The following FOCAD variants were observed in gnomAD, a reference collection of about 807,000 sequenced individuals.
FOCAD encodes the protein focadhesin, also known as KIAA1797.
A neutral mutation model predicts 225.6 loss-of-function variants in FOCAD; 198 were observed. The observed-to-expected ratio is 0.88, with a 90% confidence interval of 0.78 to 0.99. The LOEUF (loss-of-function observed/expected upper bound fraction) is 0.99, where lower values mean the gene tolerates loss of function less well. FOCAD is among the 50% of genes least tolerant of loss of function. The pLI is 0.00. For synonymous variants in FOCAD, 897 were observed against 755.0 expected, an observed-to-expected ratio of 1.19 and a Z score of -3.08; for missense variants, 2,713 against 2,123.6, an observed-to-expected ratio of 1.28 and a Z score of -5.46.
At position 20,971,572 on chromosome 9, in the gene FOCAD, G is replaced by A. The variant is rs940091598; in HGVS notation, c.4133-4848G>A. On this transcript the variant is annotated intron_variant, in intron 35 of 43. Transcript: ENST00000338382. ...CTCCTGCCCCAGCCTCCTGAGTAACGGAGATTACAGGCATGCACCACCATG... is the reference window on the plus strand; with the variant it reads ...CTCCTGCCCCAGCCTCCTGAGTAACAGAGATTACAGGCATGCACCACCATG... 9.9e-5 allele frequency among the ~76,000 whole-genome samples: 15 copies of A among 151,848 alleles called. 1 individual carries two copies. Among genetic ancestry groups the A allele is most frequent in the Non-Finnish European group, 2.1e-4 (14 of 67,892 alleles).
In FOCAD at chr9:20,885,205, A is replaced by C. The variant is rs117863779; in HGVS notation, c.2600A>C (p.Gln867Pro). 4 of 1,534,014 alleles carry C rather than the reference A, an allele frequency of 2.6e-6. No individual in the cohort carries two copies. The highest frequency in any genetic ancestry group is 8.8e-7 in the Non-Finnish European group (1 of 1,137,940). Residue 867 changes from glutamine to proline, a missense_variant, in exon 21 of 44, where the codon CAG (glutamine) becomes CCG (proline). By Grantham distance (76) the Gln-to-Pro change is moderately conservative (BLOSUM62 -1). Coordinates refer to ENST00000338382, the MANE Select transcript of FOCAD (RefSeq NM_001375567.1). Reference sequence around the variant, plus strand: ...GCCAGCAGAGGGCGAAGTTTCAAGCAGACTTCACTTGCTCTTGTACATGAG... The same window carrying C: ...GCCAGCAGAGGGCGAAGTTTCAAGCCGACTTCACTTGCTCTTGTACATGAG... Reference protein sequence around the residue: ...LMASRGRSFKQTSLALVHEVH... With the variant: ...LMASRGRSFKPTSLALVHEVH...
Position 20,949,588 on chromosome 9 carries a change from C to T in FOCAD, c.3877-16C>T. 1 of 1,611,260 alleles carries T rather than the reference C, an allele frequency of 6.2e-7. No individual in the cohort carries two copies. Among genetic ancestry groups the T allele is most frequent in the South Asian group, 1.1e-5 (1 of 90,972 alleles). Reference sequence around the variant, plus strand: ...ATGGGGGTGGGTGGGATGGGTATTTCTTCTTATTCTTTCAGCTGAAATCAG... The same window carrying T: ...ATGGGGGTGGGTGGGATGGGTATTTTTTCTTATTCTTTCAGCTGAAATCAG... On this transcript the variant is annotated splice_polypyrimidine_tract_variant and intron_variant, in intron 32 of 43. Coordinates refer to ENST00000338382, the MANE Select transcript of FOCAD (RefSeq NM_001375567.1).
chr9:20,990,403 G>A, intron 42 of FOCAD, 29 bp downstream of exon 42: 1 of 1,608,898 alleles, frequency 6.2e-7, no homozygotes. Flanking sequence ...TGCTTAGCAG[G>A]GCAGGCAGCC....
rs533011164 is a variant in FOCAD at position 20,845,590 on chromosome 9, A to G, written c.1921-16988A>G. On this transcript the variant is annotated intron_variant, in intron 15 of 43. Transcript: ENST00000338382. ...CTACAGTGCTACAGTGATCAGCTTT[A>G]GAGCTAAACTGTAGCACATATCTCT... Among the ~76,000 whole-genome samples, 11 of 151,880 alleles carry G rather than the reference A, an allele frequency of 7.2e-5. No individual in the cohort carries two copies. In the South Asian group the frequency reaches 2.3e-3, roughly 32 times the overall value.
rs1328446727 is a variant in FOCAD at position 20,993,322 on chromosome 9, T to C, written c.5326T>C (p.Leu1776=). 9 of 1,612,866 alleles carry C rather than the reference T, an allele frequency of 5.6e-6. No homozygotes were observed. The highest frequency in any genetic ancestry group is 7.6e-6 in the Non-Finnish European group (9 of 1,178,968). The change falls in exon 43 of 44, where the codon TTG becomes CTG. Residue 1776 remains leucine (L), a synonymous_variant. Coordinates refer to ENST00000338382, the MANE Select transcript of FOCAD (RefSeq NM_001375567.1). The part of the protein sequence containing the change: ...EALSAQSRDL[L]KATLLSLRVL... ...CCTCTCAGCACAGTCCAGGGATCTT[T>C]TGAAAGGTATTACTTCCATGTTTTA...
At chr9:20,948,219 CTG>C (rs1837364270) in intron 30 of FOCAD, 50 bp from the exon 31 acceptor site, 9 of 1,509,374 alleles carry the variant, frequency 6.0e-6, no homozygotes, top group Non-Finnish European at 8.0e-6. Context: ...CATTCTAAAT[CTG>C]TGTCTTTTTT....
At chr9:20,723,087 C>T (rs1402234381) in intron 4 of FOCAD, among the ~76,000 whole-genome samples, 2 of 152,128 alleles carry the variant, frequency 1.3e-5, no homozygotes, top group African/African-American at 4.8e-5. Context: ...ATTAATTCTT[C>T]CTCCCTATTG....
chr9:20,828,064 A>G (rs1339901259), intron 15 of FOCAD, among the ~76,000 whole-genome samples: 2 of 151,678 alleles, frequency 1.3e-5, no homozygotes, highest in Non-Finnish European at 2.9e-5. Context: ...CCCAGCACTC[A>G]GGAGGCTGAG....
At chr9:20,754,336 C>A (rs951114466) in intron 5 of FOCAD, among the ~76,000 whole-genome samples, 1 of 152,138 alleles carries the variant, frequency 6.6e-6, no homozygotes, top group Non-Finnish European at 1.5e-5. Context: ...CCCAAATTAG[C>A]ATGAATATTC....
At chr9:20,769,165 C>G (rs1395627862) in intron 7 of FOCAD, among the ~76,000 whole-genome samples, 1 of 152,052 alleles carries the variant, frequency 6.6e-6, no homozygotes, top group Non-Finnish European at 1.5e-5. Flanking sequence ...GCTATTTCTT[C>G]TCTTTGATCT....
chr9:20,730,849 A>T (rs570218293), intron 4 of FOCAD, among the ~76,000 whole-genome samples: 1 of 152,214 alleles, frequency 6.6e-6, no homozygotes, highest in Admixed American at 6.5e-5. Context: ...TACTTTTCTT[A>T]TTCCATCAGG....
chr9:20,812,610 C>T (rs917755828), intron 11 of FOCAD, among the ~76,000 whole-genome samples: 1 of 151,630 alleles, frequency 6.6e-6, no homozygotes, highest in African/African-American at 2.4e-5. Context: ...ATGTTTTGTC[C>T]AATTTATGGG....
At chr9:20,787,954 A>G (rs1341896325) in intron 10 of FOCAD, among the ~76,000 whole-genome samples, 2 of 152,194 alleles carry the variant, frequency 1.3e-5, no homozygotes, top group Non-Finnish European at 2.9e-5. Context: ...AAGAAATTGC[A>G]TATCTACTCT....
chr9:20,994,114 A>T (rs1477079834), intron 43 of FOCAD, among the ~76,000 whole-genome samples: 3 of 152,202 alleles, frequency 2.0e-5, no homozygotes, highest in African/African-American at 7.2e-5. Context: ...CTGTTCTTAC[A>T]CTGGCTTTAT....
chr9:20,798,056 A>G (rs528877285), intron 11 of FOCAD, among the ~76,000 whole-genome samples: 1 of 152,290 alleles, frequency 6.6e-6, no homozygotes, highest in East Asian at 1.9e-4. Context: ...TTTAGCATGA[A>G]GCATTGTTGA....
intron 11 of FOCAD, among the ~76,000 whole-genome samples, chr9:20,797,675 A>G (rs1339120548): frequency 6.6e-6 from 1 of 152,168 alleles, no homozygotes; most frequent in African/African-American, 2.4e-5. Flanking sequence ...AAATCATTGC[A>G]AAATCAAAAT....
chr9:20,682,629 A>G (rs1261351366), upstream of FOCAD, among the ~76,000 whole-genome samples: 1 of 152,232 alleles, frequency 6.6e-6, no homozygotes, highest in Non-Finnish European at 1.5e-5. Flanking sequence ...AAATATTAAA[A>G]TAGTCCTAAA....
intron 7 of FOCAD, among the ~76,000 whole-genome samples, chr9:20,769,279 T>A (rs10441705): frequency 0.01 from 1,566 of 152,350 alleles, 27 homozygotes; most frequent in African/African-American, 0.036. Context: ...TAAAAGGTAC[T>A]GCCGGTCAAC....
At chr9:20,762,730 T>G (rs1829718870) in intron 6 of FOCAD, among the ~76,000 whole-genome samples, 1 of 152,196 alleles carries the variant, frequency 6.6e-6, no homozygotes, top group African/African-American at 2.4e-5. Flanking sequence ...GAAGGGTATA[T>G]TGTGTAGTGC....
Sources: gnomAD v4.1 joint callset for allele counts (sites outside exome capture counted in the v4.1 genomes callset) on GRCh38, gnomAD v4.1.1 for gene constraint, MANE v1.5 for transcripts, NCBI Gene and HGNC (gene_info 2026-07-23, HGNC 2026-07-21) for gene names.